ABR: variants seen among roughly 807,000 people sequenced by gnomAD.
ABR encodes ABR activator of RhoGEF and GTPase.
Under a neutral mutation model 107.2 loss-of-function variants are expected in ABR, and 35 were observed. The observed-to-expected ratio is 0.33, with a 90% CI of 0.25 to 0.43. The LOEUF is 0.43. Ranked by LOEUF, ABR falls within the 20% of genes least tolerant of loss-of-function variation. The pLI, the probability that ABR is intolerant of heterozygous loss-of-function variation, is 1.00. For missense variants in ABR, 815 were observed against 1,115.2 expected, an observed-to-expected ratio of 0.73 and a Z score of 3.83; for synonymous variants, 498 against 462.0, an observed-to-expected ratio of 1.08 and a Z score of -1.00.
chr17:1,013,440 C>G lies in ABR; in HGVS notation c.1792-276G>C, dbSNP rs148703192. 8.0e-3 allele frequency among the ~76,000 whole-genome samples: 1,209 copies of G among 150,328 alleles called. 43 individuals are homozygous for G. The East Asian group carries it at 0.11, about 14-fold the overall frequency. ...CCCGCCGTGGGGGAGGCAGGGCACA[C>G]TCTGTTACCCACCGTGGGGGAGGCA... On this transcript the variant is annotated intron_variant, in intron 16 of 22. Transcript: ENST00000302538.
Position 1,067,234 on chromosome 17 carries a change from T to C in ABR, c.1025A>G (p.Gln342Arg). ...KLKKTSAGKHQQYDCKWYIPL... is the reference protein window; with the variant it reads ...KLKKTSAGKHRQYDCKWYIPL... ...GATGTACCACTTACAGTCATACTGC[T>C]GGTGCTTCCTGCAAACGAGCCAGAG... Residue 342 changes from glutamine (Q) to arginine (R), a missense_variant, in exon 10 of 23, where the codon CAG becomes CGG. This residue lies in a region of ABR where 385 missense variants were observed against 596.9 expected (regional missense o/e 0.64). Coordinates refer to ENST00000302538, the MANE Select transcript of ABR (RefSeq NM_021962.5). 6.3e-7 allele frequency: 1 copy of C among 1,586,922 alleles called. No individual in the cohort carries two copies. The highest frequency in any genetic ancestry group is 8.6e-7 in the Non-Finnish European group (1 of 1,167,874).
intron 16 of ABR, among the ~76,000 whole-genome samples, chr17:1,028,247 T>C (rs147776533): frequency 0.076 from 11,177 of 147,718 alleles, 561 homozygotes; most frequent in East Asian, 0.15. Flanking sequence ...CCCGCCACCA[T>C]GCCCGGCTAT....
At chr17:1,012,141 A>C (rs565649577) in intron 18 of ABR, 156 bp from the exon 19 acceptor site, 1 of 1,212,764 alleles carries the variant, frequency 8.2e-7, no homozygotes, top group Non-Finnish European at 1.2e-6. Flanking sequence ...AGGCCACCGC[A>C]CCCCACCCCA....
chr17:1,089,169 T>A (rs2036847763), intron 4 of ABR, among the ~76,000 whole-genome samples: 1 of 152,112 alleles, frequency 6.6e-6, no homozygotes, highest in Non-Finnish European at 1.5e-5. Context: ...GTGCTGGGAT[T>A]ACAGGCGTGA....
chr17:1,070,568 C>T lies in ABR; in HGVS notation c.895-478G>A, dbSNP rs867447469. ...GAACTTCATCTAGCCCCGGCTCAACCGAGACCCGAGACCCGAGACCCACTC... is the reference window on the plus strand; with the variant it reads ...GAACTTCATCTAGCCCCGGCTCAACTGAGACCCGAGACCCGAGACCCACTC... On this transcript the variant is annotated intron_variant, in intron 8 of 22. Coordinates refer to ENST00000302538, the MANE Select transcript of ABR (RefSeq NM_021962.5). The surrounding 1 kb of genome is among the most constrained non-coding windows in gnomAD (Gnocchi z 4.2). Among the ~76,000 whole-genome samples the T allele has an allele frequency of 5.3e-5, 8 of 152,050 alleles. No individual in the cohort carries two copies. The highest frequency in any genetic ancestry group is 2.1e-4 in the South Asian group (1 of 4,820).
At chr17:1,034,857 G>A (rs1234873441) in intron 16 of ABR, among the ~76,000 whole-genome samples, 1 of 152,114 alleles carries the variant, frequency 6.6e-6, no homozygotes, top group East Asian at 1.9e-4. Context: ...CCTCCCTGCC[G>A]CCGGGTGTGG....
rs2042657843 is a variant in ABR, at chr17:1,200,812, C to G, written c.838+27981G>C. 6.6e-6 allele frequency among the ~76,000 whole-genome samples: 1 copy of G among 152,074 alleles called. No individual in the cohort carries two copies. Among genetic ancestry groups the G allele is most frequent in the South Asian group, 2.1e-4 (1 of 4,826 alleles). On this transcript the variant is annotated intron_variant, in intron 1 of 22. Coordinates refer to the ABR transcript ENST00000574139. This position sits in a 1 kb window ranked among gnomAD's most constrained non-coding sequence, Gnocchi z 4.1. The stretch of plus-strand genomic sequence containing the variant: ...GGTTATCAGCACCGTCCAGGGACAC[C>G]AGAGATAAAGCCTCATCTATAACAT...
intron 5 of ABR, among the ~76,000 whole-genome samples, chr17:1,080,035 G>T (rs1161418104): frequency 3.9e-5 from 6 of 152,020 alleles, no homozygotes; most frequent in Admixed American, 2.0e-4. Context: ...GTCGGCCAAG[G>T]GCAGACAGGG....
At chr17:1,203,788 G>A (rs552124880) in intron 1 of ABR, among the ~76,000 whole-genome samples, 117 of 152,262 alleles carry the variant, frequency 7.7e-4, no homozygotes, top group African/African-American at 2.8e-3. Flanking sequence ...GGCGAAGGGG[G>A]CTCGGGCGCT....
intron 1 of ABR, among the ~76,000 whole-genome samples, chr17:1,196,666 C>T (rs1462358039): frequency 6.6e-6 from 1 of 150,878 alleles, no homozygotes; most frequent in South Asian, 2.1e-4. Context: ...GAAGACGGCA[C>T]CACAGGAAGC....
intron 1 of ABR, among the ~76,000 whole-genome samples, chr17:1,206,238 T>A (rs1366748951): frequency 6.6e-6 from 1 of 152,202 alleles, no homozygotes; most frequent in African/African-American, 2.4e-5. Flanking sequence ...TGTGATGGGT[T>A]AGACACTGAT....
intron 1 of ABR, among the ~76,000 whole-genome samples, chr17:1,197,175 G>A (rs4473259): frequency 0.31 from 47,679 of 151,398 alleles, 8,766 homozygotes; most frequent in East Asian, 0.62. Context: ...GCCCAGGCTC[G>A]GATGAGCATT....
intron 1 of ABR, among the ~76,000 whole-genome samples, chr17:1,174,323 G>A (rs989387422): frequency 3.9e-5 from 6 of 152,212 alleles, no homozygotes; most frequent in South Asian, 2.1e-4. Flanking sequence ...GGGCTATTCC[G>A]AAAACAAGCA....
chr17:1,020,558 G>A lies in ABR; in HGVS notation c.1792-7394C>T, dbSNP rs999072615. On this transcript the variant is annotated intron_variant, in intron 16 of 22. Coordinates refer to ENST00000302538, the MANE Select transcript of ABR (RefSeq NM_021962.5). ...GTTGAAATGGGGCTCCGTCACCTCC[G>A]AGGGAGCAGGAGTGAAGACCCGAAG... Among the ~76,000 whole-genome samples the A allele has an allele frequency of 5.7e-4, 86 of 152,176 alleles. 4 individuals carry two copies. The highest frequency in any genetic ancestry group is 7.2e-5 in the African/African-American group (3 of 41,448).
In ABR at chr17:1,036,804, G is replaced by A. The variant is rs894629; in HGVS notation, c.1791+13246C>T. On this transcript the variant is annotated intron_variant, in intron 16 of 22. Transcript: ENST00000302538. ...TGTACCGACCCTAACCAAAACCTGC[G>A]GACTGGAAGGCCAAATGTCTTCCCA... is the stretch of plus-strand genomic sequence containing the variant. Among the ~76,000 whole-genome samples the A allele has an allele frequency of 8.9e-3, 1,349 of 152,156 alleles. 25 individuals carry two copies. Among genetic ancestry groups the A allele is most frequent in the African/African-American group, 0.03 (1,265 of 41,480 alleles).
chr17:1,137,602 T>A (rs919067251), intron 1 of ABR, among the ~76,000 whole-genome samples: 7 of 152,092 alleles, frequency 4.6e-5, no homozygotes, highest in Non-Finnish European at 1.0e-4. Context: ...TGATCACAGA[T>A]CACTGTAACA....
intron 1 of ABR, among the ~76,000 whole-genome samples, chr17:1,136,828 T>C (rs1388290186): frequency 6.6e-6 from 1 of 152,132 alleles, no homozygotes; most frequent in African/African-American, 2.4e-5. Context: ...ACTCAAACTT[T>C]CTCCATATCA....
chr17:1,137,446 G>T (rs1285397651), intron 1 of ABR, among the ~76,000 whole-genome samples: 1 of 149,164 alleles, frequency 6.7e-6, no homozygotes, highest in East Asian at 2.0e-4. Context: ...GTGTCTCAGG[G>T]AATAGGGAGG....
chr17:1,226,725 C>G (rs1016309882), intron 1 of ABR, among the ~76,000 whole-genome samples: 3 of 147,614 alleles, frequency 2.0e-5, no homozygotes, highest in African/African-American at 7.6e-5. Context: ...ATGTATGTGG[C>G]AGTGTGTCAC....
Sources: allele counts gnomAD v4.1 joint callset (sites outside exome capture counted in the v4.1 genomes callset), GRCh38; gene constraint gnomAD v4.1.1; regional missense constraint gnomAD v4.1.1; non-coding constraint Gnocchi (gnomAD v3.1); transcripts MANE v1.5; gene names NCBI Gene and HGNC (gene_info 2026-07-23, HGNC 2026-07-21).